Variants in ANKRD31 observed in about 807,000 individuals in gnomAD.
ANKRD31 encodes the protein ankyrin repeat domain-containing protein 31.
Under a neutral mutation model 186.0 loss-of-function variants are expected in ANKRD31, and 147 were observed. The ratio of observed to expected loss-of-function variants is 0.79; its 90% confidence interval spans 0.69 to 0.91. The LOEUF (loss-of-function observed/expected upper bound fraction) is 0.91. ANKRD31 is among the 40% of genes least tolerant of loss of function. The probability of loss-of-function intolerance (pLI) is 0.00; values close to 1 mark genes in which losing one functional copy is unlikely to be tolerated. For synonymous variants in ANKRD31, 673 were observed against 736.4 expected, an observed-to-expected ratio of 0.91 and a Z score of 1.39; for missense variants, 1,986 against 2,148.8, an observed-to-expected ratio of 0.92 and a Z score of 1.50.
At chr5:75,155,476 C>T (rs1338046445) in intron 11 of ANKRD31, among the ~76,000 whole-genome samples, 2 of 152,002 alleles carry the variant, frequency 1.3e-5, no homozygotes, top group African/African-American at 4.8e-5. Context: ...TTTATTTCAC[C>T]AGTACCCTAT....
intron 11 of ANKRD31, among the ~76,000 whole-genome samples, chr5:75,158,282 C>T (rs897441970): frequency 8.5e-5 from 13 of 152,086 alleles, no homozygotes; most frequent in Admixed American, 5.9e-4. Context: ...AGTAATTGAC[C>T]ACTAAATGGT....
Position 75,118,808 on chromosome 5 carries a change from C to T in ANKRD31, c.3877-511G>A, listed in dbSNP as rs115934642. On this transcript the variant is annotated intron_variant, in intron 17 of 25. Coordinates refer to ENST00000506364, the MANE Select transcript of ANKRD31 (RefSeq NM_001372053.1). ...GCAGATTAAGCCACTTGCATCTTAA[C>T]GTGGAATTTCTGACGCCCAGAAGGA... 8.1e-3 allele frequency among the ~76,000 whole-genome samples: 1,239 copies of T among 152,236 alleles called. 20 individuals are homozygous for T. Among genetic ancestry groups the T allele is most frequent in the African/African-American group, 0.027 (1,113 of 41,544 alleles).
intron 17 of ANKRD31, among the ~76,000 whole-genome samples, chr5:75,132,922 A>G (rs1442012072): frequency 6.6e-6 from 1 of 152,212 alleles, no homozygotes. Context: ...AAGCTTCCTA[A>G]GTAAAGGAGA....
intron 10 of ANKRD31, among the ~76,000 whole-genome samples, chr5:75,177,394 T>C (rs547817797): frequency 2.0e-5 from 3 of 152,182 alleles, no homozygotes; most frequent in South Asian, 2.1e-4. Context: ...GCCACAAAGA[T>C]ACTCCTCGAG....
intron 25 of ANKRD31, among the ~76,000 whole-genome samples, chr5:75,073,911 G>T (rs150609262): frequency 1.3e-5 from 2 of 152,166 alleles, no homozygotes; most frequent in African/African-American, 4.8e-5. Context: ...AGTCAATAGG[G>T]TATCATGGTT....
intron 3 of ANKRD31, among the ~76,000 whole-genome samples, chr5:75,218,601 T>C (rs1757106524): frequency 6.6e-6 from 1 of 152,058 alleles, no homozygotes; most frequent in Non-Finnish European, 1.5e-5. Flanking sequence ...TCTAGGAGGC[T>C]AGCATAATCC....
At chr5:75,103,762 C>T (rs967492669) in intron 22 of ANKRD31, among the ~76,000 whole-genome samples, 11 of 152,132 alleles carry the variant, frequency 7.2e-5, no homozygotes, top group African/African-American at 1.9e-4. Context: ...TAAGACCAAA[C>T]GCTGCATGTT....
chr5:75,187,619 G>A (rs1218881464), intron 10 of ANKRD31, among the ~76,000 whole-genome samples: 1 of 152,148 alleles, frequency 6.6e-6, no homozygotes, highest in Non-Finnish European at 1.5e-5. Flanking sequence ...AGTAAGTGCT[G>A]TGGCTGGCAA....
chr5:75,128,795 T>C (rs1459881885), intron 17 of ANKRD31, among the ~76,000 whole-genome samples: 2 of 152,028 alleles, frequency 1.3e-5, no homozygotes, highest in Non-Finnish European at 2.9e-5. Context: ...ATTACAGGCA[T>C]GAGCCAACAT....
chr5:75,174,950 T>G (rs541141394), intron 10 of ANKRD31, among the ~76,000 whole-genome samples: 25 of 152,312 alleles, frequency 1.6e-4, no homozygotes, highest in African/African-American at 5.8e-4. Context: ...TGTGGCACTA[T>G]TCACAATAGC....
intron 2 of ANKRD31, among the ~76,000 whole-genome samples, chr5:75,227,779 C>G (rs935196925): frequency 2.0e-5 from 3 of 152,160 alleles, no homozygotes; most frequent in Non-Finnish European, 4.4e-5. Context: ...TGTTATGAAC[C>G]AGGCTGCACC....
At chr5:75,120,808 A>G (rs1748701072) in intron 17 of ANKRD31, among the ~76,000 whole-genome samples, 1 of 152,224 alleles carries the variant, frequency 6.6e-6, no homozygotes, top group South Asian at 2.1e-4. Flanking sequence ...CTCCACTTAA[A>G]AGATATAGAT....
At chr5:75,136,799 G>T (rs1313922764) in intron 17 of ANKRD31, among the ~76,000 whole-genome samples, 2 of 152,060 alleles carry the variant, frequency 1.3e-5, no homozygotes, top group East Asian at 1.9e-4. Context: ...ATTAAGAAAA[G>T]GTGGCACATA....
Position 75,104,480 on chromosome 5 carries a change from T to C in ANKRD31, c.5079A>G (p.Ala1693=). The C allele has an allele frequency of 6.5e-7, 1 of 1,537,240 alleles. No homozygotes were observed. The change falls in exon 22 of 26, where the codon GCA becomes GCG. Residue 1693 remains alanine (A), a synonymous_variant. Transcript: ENST00000506364. ...QSPTGASESL[A]HQGIAVLGSD... is the part of the protein sequence containing the mutation. ...TGCCTAAGACAGCAATCCCTTGATG[T>C]GCCAGAGATTCTGATGCCCCTGTAG...
At chr5:75,164,589 GT>G (rs758275739) in intron 11 of ANKRD31, among the ~76,000 whole-genome samples, 2 of 152,162 alleles carry the variant, frequency 1.3e-5, no homozygotes, top group Admixed American at 6.5e-5. Context: ...CAAAGTATTA[GT>G]TACTGCCAAA....
At chr5:75,155,028 A>C (rs549602701) in intron 11 of ANKRD31, among the ~76,000 whole-genome samples, 33 of 152,196 alleles carry the variant, frequency 2.2e-4, no homozygotes, top group Non-Finnish European at 2.5e-4. Flanking sequence ...TATTTCTTTC[A>C]TATCAGTCTC....
intron 3 of ANKRD31, among the ~76,000 whole-genome samples, chr5:75,217,262 A>G (rs980376741): frequency 1.3e-5 from 2 of 152,166 alleles, no homozygotes; most frequent in Admixed American, 1.3e-4. Flanking sequence ...TGTTGAGTTC[A>G]GGTCCTGAAT....
intron 5 of ANKRD31, among the ~76,000 whole-genome samples, chr5:75,204,129 A>C (rs987479573): frequency 2.0e-5 from 3 of 152,202 alleles, no homozygotes; most frequent in African/African-American, 7.2e-5. Context: ...ATTTCCTTAA[A>C]CAATTTAAAC....
chr5:75,088,443 AT>A (rs769190795), intron 23 of ANKRD31, among the ~76,000 whole-genome samples: 25 of 152,366 alleles, frequency 1.6e-4, no homozygotes, highest in Non-Finnish European at 2.9e-4. Context: ...ATTTACAAAA[AT>A]AAACCATCAT....
Sources: allele counts gnomAD v4.1 joint callset (sites outside exome capture counted in the v4.1 genomes callset), GRCh38; gene constraint gnomAD v4.1.1; transcripts MANE v1.5; gene names NCBI Gene and HGNC (gene_info 2026-07-23, HGNC 2026-07-21).